Variants in ZBTB20 observed in about 807,000 individuals in gnomAD.
The protein encoded by ZBTB20 is zinc finger and BTB domain-containing protein 20.
In ZBTB20, 9 loss-of-function variants were observed where a neutral mutation model predicts 56.9. That is an observed-to-expected ratio of 0.16 (90% CI 0.10 to 0.28). ZBTB20 has a LOEUF of 0.28. Among genes scored for constraint, ZBTB20 ranks in the 10% least tolerant of loss-of-function variants. The probability of loss-of-function intolerance (pLI) is 1.00; values close to 1 mark genes in which losing one functional copy is unlikely to be tolerated. For synonymous variants in ZBTB20, 417 were observed against 420.7 expected, an observed-to-expected ratio of 0.99 and a Z score of 0.11; for missense variants, 655 against 1,003.0, an observed-to-expected ratio of 0.65 and a Z score of 4.69.
chr3:114,910,135 G>A (rs1282151534), intron 3 of ZBTB20, among the ~76,000 whole-genome samples: 1 of 151,838 alleles, frequency 6.6e-6, no homozygotes, highest in African/African-American at 2.4e-5. Flanking sequence ...AATACTTTAT[G>A]CTAATTTGAC....
At chr3:114,693,688 G>C (rs936681097) in intron 5 of ZBTB20, 113 bp from the exon 6 acceptor site, 1 of 152,086 alleles carries the variant, frequency 6.6e-6, no homozygotes, top group African/African-American at 2.4e-5. Flanking sequence ...TACTGACTAA[G>C]TGGTAGTATA....
intron 7 of ZBTB20, among the ~76,000 whole-genome samples, chr3:114,438,024 C>T (rs999136171): frequency 2.0e-5 from 3 of 152,122 alleles, no homozygotes; most frequent in African/African-American, 7.2e-5. Context: ...GAAGTAGTCT[C>T]CTTAGATGCT....
At chr3:114,378,535 A>G (rs997940815) in intron 10 of ZBTB20, among the ~76,000 whole-genome samples, 1 of 152,254 alleles carries the variant, frequency 6.6e-6, no homozygotes, top group African/African-American at 2.4e-5. Flanking sequence ...TGCTTATGAT[A>G]AAGCACAATA....
chr3:114,555,441 C>T (rs1341931289), intron 6 of ZBTB20, among the ~76,000 whole-genome samples: 1 of 152,000 alleles, frequency 6.6e-6, no homozygotes, highest in Non-Finnish European at 1.5e-5. Flanking sequence ...TGCTTTGAAG[C>T]ACATATAATA....
chr3:115,108,641 T>C (rs2083790834), intron 1 of ZBTB20, among the ~76,000 whole-genome samples: 1 of 152,118 alleles, frequency 6.6e-6, no homozygotes, highest in Non-Finnish European at 1.5e-5. Flanking sequence ...AATCAAATAA[T>C]GAAAAAATGA....
chr3:114,551,472 C>T (rs1308948516), intron 6 of ZBTB20, among the ~76,000 whole-genome samples: 1 of 152,100 alleles, frequency 6.6e-6, no homozygotes, highest in Non-Finnish European at 1.5e-5. Context: ...CAATGACTTT[C>T]GTTGCATGGG....
intron 3 of ZBTB20, among the ~76,000 whole-genome samples, chr3:114,910,404 A>C (rs1293398743): frequency 6.6e-6 from 1 of 151,908 alleles, no homozygotes; most frequent in Non-Finnish European, 1.5e-5. Context: ...TATGTGATAA[A>C]AATTGGACCA....
chr3:114,529,700 T>A (rs943430292), intron 6 of ZBTB20, among the ~76,000 whole-genome samples: 4 of 152,188 alleles, frequency 2.6e-5, no homozygotes, highest in Admixed American at 6.5e-5. Context: ...CCTATAATAT[T>A]TAGGTAGAAG....
At chr3:115,129,421 G>A (rs928533021) in intron 1 of ZBTB20, among the ~76,000 whole-genome samples, 3 of 152,108 alleles carry the variant, frequency 2.0e-5, no homozygotes, top group South Asian at 2.1e-4. Context: ...ATAAAAGAAC[G>A]TCTAAGTTTT....
chr3:114,658,637 C>A (rs1480537254), intron 6 of ZBTB20: 2 of 152,178 alleles, frequency 1.3e-5, no homozygotes, highest in Non-Finnish European at 2.9e-5. Context: ...CATCTCCGTG[C>A]CTTTCTTGTT....
Position 114,515,778 on chromosome 3 carries a change from T to G in ZBTB20, c.-294-15387A>C, listed in dbSNP as rs541954800. ...TCCAGGATCTTATTATATCAGTTAC[T>G]TTTCCTTTCTTTTGTATTTTCAATT... On this transcript the variant is annotated intron_variant, in intron 6 of 11. Coordinates refer to ENST00000675478, the MANE Select transcript of ZBTB20 (RefSeq NM_001348800.3). Among the ~76,000 whole-genome samples the G allele has an allele frequency of 2.4e-4, 37 of 152,298 alleles. No homozygotes were observed. In the South Asian group the frequency reaches 7.7e-3, roughly 32 times the overall value.
chr3:114,561,071 AC>A (rs1355799989), intron 6 of ZBTB20, among the ~76,000 whole-genome samples: 3 of 152,212 alleles, frequency 2.0e-5, no homozygotes, highest in Non-Finnish European at 4.4e-5. Flanking sequence ...CCCATAAGAA[AC>A]TACTCTTTAC....
At chr3:114,352,553 G>C (rs2080789427) in intron 10 of ZBTB20, among the ~76,000 whole-genome samples, 1 of 152,204 alleles carries the variant, frequency 6.6e-6, no homozygotes, top group Non-Finnish European at 1.5e-5. Flanking sequence ...AAAGCAATCT[G>C]CTAGCTAAAG....
intron 5 of ZBTB20, among the ~76,000 whole-genome samples, chr3:114,732,013 T>C (rs1207755844): frequency 3.3e-5 from 5 of 152,170 alleles, no homozygotes; most frequent in Admixed American, 2.0e-4. Flanking sequence ...AGATCACATA[T>C]TGTAGACATC....
intron 4 of ZBTB20, among the ~76,000 whole-genome samples, chr3:114,886,108 C>T (rs655085): frequency 0.87 from 131,767 of 152,174 alleles, 58,072 homozygotes; most frequent in East Asian, 0.99. Flanking sequence ...GTGGTCTGCT[C>T]CTTACTTAAA....
At chr3:115,000,045 A>T (rs2079185954) in intron 2 of ZBTB20, among the ~76,000 whole-genome samples, 1 of 140,610 alleles carries the variant, frequency 7.1e-6, no homozygotes, top group South Asian at 2.2e-4. Flanking sequence ...ACTTTCATTT[A>T]AAAAAAAAAT....
At chr3:114,907,978 TA>T in intron 3 of ZBTB20, among the ~76,000 whole-genome samples, 1 of 151,874 alleles carries the variant, frequency 6.6e-6, no homozygotes, top group African/African-American at 2.4e-5. Context: ...AAATTTTAGA[TA>T]GGGGGACCAG....
chr3:114,748,315 TTTC>T (rs1173571089), intron 5 of ZBTB20, among the ~76,000 whole-genome samples: 3 of 131,242 alleles, frequency 2.3e-5, no homozygotes, highest in Admixed American at 7.7e-5. Flanking sequence ...TCTTTCTTTC[TTTC>T]TTTCTTTCTT....
At chr3:114,806,446 T>C (rs986584178) in intron 4 of ZBTB20, among the ~76,000 whole-genome samples, 6 of 151,974 alleles carry the variant, frequency 3.9e-5, no homozygotes, top group Admixed American at 1.3e-4. Flanking sequence ...GGGTTGCTTG[T>C]CTTTTTATTA....
Sources: allele counts gnomAD v4.1 joint callset (sites outside exome capture counted in the v4.1 genomes callset), GRCh38; gene constraint gnomAD v4.1.1; transcripts MANE v1.5; gene names NCBI Gene and HGNC (gene_info 2026-07-23, HGNC 2026-07-21).